The following ADAM22 variants were observed in gnomAD, a reference collection of about 807,000 sequenced individuals.
ADAM22 encodes ADAM metallopeptidase domain 22, also known as disintegrin and metalloproteinase domain-containing protein 22.
ADAM22 carries 65 observed loss-of-function variants against 144.6 expected under a neutral mutation model. That is an observed-to-expected ratio of 0.45 (90% CI 0.37 to 0.55). The LOEUF is 0.55. Among genes scored for constraint, ADAM22 ranks in the 20% least tolerant of loss-of-function variants. The probability of loss-of-function intolerance (pLI) is 0.00; values close to 1 mark genes in which losing one functional copy is unlikely to be tolerated. For synonymous variants in ADAM22, 391 were observed against 412.6 expected (o/e 0.95, Z 0.63); for missense variants, 974 against 1,184.9 (o/e 0.82, Z 2.61).
intron 4 of ADAM22, among the ~76,000 whole-genome samples, chr7:88,094,589 A>G (rs1034838476): frequency 2.0e-5 from 3 of 152,218 alleles, no homozygotes; most frequent in Non-Finnish European, 4.4e-5. Flanking sequence ...GACTTCCTAC[A>G]TTGGTCACTT....
intron 21 of ADAM22, among the ~76,000 whole-genome samples, chr7:88,154,653 T>C (rs1839403432): frequency 6.6e-6 from 1 of 152,188 alleles, no homozygotes; most frequent in African/African-American, 2.4e-5. Flanking sequence ...AGATCATATC[T>C]AATTGTCTTT....
chr7:87,945,972 A>G, intron 2 of ADAM22, among the ~76,000 whole-genome samples: 1 of 151,910 alleles, frequency 6.6e-6, no homozygotes, highest in Non-Finnish European at 1.5e-5. Context: ...TGCTTTCCAC[A>G]GTGGCTGAAT....
chr7:87,935,334 CA>C, intron 2 of ADAM22, 148 bp downstream of exon 2: 1 of 964,572 alleles, frequency 1.0e-6, no homozygotes, highest in South Asian at 1.8e-5. Flanking sequence ...GCTCCCTGTG[CA>C]AAAAAGAAGG....
intron 3 of ADAM22, among the ~76,000 whole-genome samples, chr7:88,052,225 C>T (rs568047080): frequency 6.6e-6 from 1 of 151,640 alleles, no homozygotes; most frequent in South Asian, 2.1e-4. Context: ...CGGCCGGACG[C>T]GGTGGCTCAC....
At chr7:87,952,424 G>C (rs1393802186) in intron 2 of ADAM22, among the ~76,000 whole-genome samples, 2 of 152,164 alleles carry the variant, frequency 1.3e-5, no homozygotes, top group Non-Finnish European at 2.9e-5. Flanking sequence ...CTTTGGTTCT[G>C]TTTATATGCT....
At chr7:87,990,157 A>G (rs1451374431) in intron 3 of ADAM22, among the ~76,000 whole-genome samples, 2 of 152,096 alleles carry the variant, frequency 1.3e-5, no homozygotes, top group Non-Finnish European at 2.9e-5. Context: ...AAAGATAAAG[A>G]CCCTATCTTC....
chr7:88,132,180 A>C, intron 11 of ADAM22: 1 of 151,574 alleles, frequency 6.6e-6, no homozygotes, highest in East Asian at 1.9e-4. Context: ...AACCTCTTGA[A>C]AGTAAGTTGA....
chr7:88,125,201 A>G (rs1368954409), intron 7 of ADAM22, among the ~76,000 whole-genome samples: 1 of 151,960 alleles, frequency 6.6e-6, no homozygotes, highest in Non-Finnish European at 1.5e-5. Flanking sequence ...TAAATTATGA[A>G]CTTGGGAATG....
chr7:88,063,299 A>G (rs1344164572), intron 3 of ADAM22, among the ~76,000 whole-genome samples: 10 of 152,332 alleles, frequency 6.6e-5, no homozygotes, highest in Non-Finnish European at 1.3e-4. Flanking sequence ...AAAAACACCT[A>G]GAAAAAACAG....
chr7:88,054,166 A>G (rs56388156), intron 3 of ADAM22, among the ~76,000 whole-genome samples: 4,486 of 152,008 alleles, frequency 0.03, 213 homozygotes, highest in African/African-American at 0.1. Context: ...GATGTCATGT[A>G]CACATGTTTT....
At chr7:88,008,984 T>C (rs1338119550) in intron 3 of ADAM22, among the ~76,000 whole-genome samples, 1 of 152,144 alleles carries the variant, frequency 6.6e-6, no homozygotes, top group Non-Finnish European at 1.5e-5. Context: ...ACTTTCCAGT[T>C]AGCATGGTTG....
At position 88,143,013 on chromosome 7, in the gene ADAM22, T is replaced by C; in HGVS notation, c.1221-13T>C. ...GAGTTGAACCCAGCTATTGCTTTTC[T>C]TCTCTTTTATAGCTATTATCTTCCT... On this transcript the variant is annotated splice_polypyrimidine_tract_variant and intron_variant, in intron 14 of 31. Transcript: ENST00000413139. The C allele has an allele frequency of 6.5e-7, 1 of 1,544,060 alleles. No homozygotes were observed. The highest frequency in any genetic ancestry group is 8.9e-7 in the Non-Finnish European group (1 of 1,122,862).
intron 29 of ADAM22, chr7:88,182,256 G>T: frequency 2.2e-6 from 1 of 444,612 alleles, no homozygotes. Flanking sequence ...TCACCTGCAG[G>T]CTTTTTCCTC....
chr7:88,135,836 A>G (rs1832875387), intron 13 of ADAM22, 144 bp from the exon 14 acceptor site: 6 of 573,460 alleles, frequency 1.0e-5, no homozygotes, highest in Non-Finnish European at 1.1e-5. Flanking sequence ...TAAAAAAACT[A>G]TTGTAAGATG....
chr7:88,182,348 A>G (rs1012370647), intron 29 of ADAM22, among the ~76,000 whole-genome samples: 2 of 152,092 alleles, frequency 1.3e-5, no homozygotes, highest in Non-Finnish European at 2.9e-5. Context: ...CTGGGATTCA[A>G]CCATTTCAAA....
intron 4 of ADAM22, among the ~76,000 whole-genome samples, chr7:88,080,263 A>T (rs961974106): frequency 4.6e-5 from 7 of 152,204 alleles, no homozygotes; most frequent in Non-Finnish European, 7.4e-5. Context: ...ACATAATGAA[A>T]TGAAGGCAGA....
intron 11 of ADAM22, 114 bp from the exon 12 acceptor site, chr7:88,132,753 A>G: frequency 1.3e-6 from 1 of 773,596 alleles, no homozygotes; most frequent in Non-Finnish European, 2.1e-6. Context: ...CAATGTGAAT[A>G]TATTGTATAG....
chr7:88,062,824 G>A (rs751238839), intron 3 of ADAM22, among the ~76,000 whole-genome samples: 4 of 152,118 alleles, frequency 2.6e-5, no homozygotes, highest in Non-Finnish European at 4.4e-5. Context: ...TTTCCATATT[G>A]TTTTGTCTCA....
intron 3 of ADAM22, among the ~76,000 whole-genome samples, chr7:88,068,399 T>C (rs985319639): frequency 6.6e-6 from 1 of 152,186 alleles, no homozygotes; most frequent in Non-Finnish European, 1.5e-5. Flanking sequence ...AAATCTTTGA[T>C]TTTCGATTGT....
Sources: allele counts gnomAD v4.1 joint callset (sites outside exome capture counted in the v4.1 genomes callset), GRCh38; gene constraint gnomAD v4.1.1; transcripts MANE v1.5; gene names NCBI Gene and HGNC (gene_info 2026-07-23, HGNC 2026-07-21).